The following KLF11 variants were observed in gnomAD, a reference collection of about 807,000 sequenced individuals.
The protein encoded by KLF11 is KLF transcription factor 11.
In KLF11, 26 loss-of-function variants were observed where a neutral mutation model predicts 29.9. That is an observed-to-expected ratio of 0.87 (90% CI 0.64 to 1.21). KLF11 has a LOEUF of 1.21. Among genes scored for constraint, KLF11 ranks in the 50% most tolerant of loss-of-function variants. The pLI is 0.00. For synonymous variants in KLF11, 318 were observed against 257.4 expected, an observed-to-expected ratio of 1.24 and a Z score of -2.25; for missense variants, 778 against 665.7, an observed-to-expected ratio of 1.17 and a Z score of -1.86.
rs549385160 is a variant in KLF11, at chr2:10,046,075, A to G, written c.43-75A>G. ...TGCCTACTGTAGGCTTCTGATATGC[A>G]TATCCACATGCCCATCATGGGTGGC... On this transcript the variant is annotated intron_variant, in intron 1 of 3. Transcript: ENST00000305883. The G allele has an allele frequency of 1.9e-6, 3 of 1,570,056 alleles. No individual in the cohort carries two copies. In the South Asian group the frequency reaches 3.3e-5, roughly 18 times the overall value.
chr2:10,044,056 C>A (rs1221357928), intron 1 of KLF11: 9 of 698,620 alleles, frequency 1.3e-5, no homozygotes, highest in Admixed American at 6.2e-5. Flanking sequence ...GACGTCACCC[C>A]GGTCCTGTGA....
rs1358113213 is a variant in KLF11 at position 10,047,763 on chromosome 2, T to G, written c.426T>G (p.Ser142=). Residue 142 remains serine (S), a synonymous_variant, in exon 3 of 4, where the codon TCT becomes TCG. Transcript: ENST00000305883. ...ACTATDVLQS[S]AVVARALSGG... is the part of the protein sequence containing the mutation. ...CAGCCACGGATGTTCTCCAGTCCTC[T>G]GCCGTAGTGGCCAGAGCTCTGAGCG... The G allele has an allele frequency of 2.5e-6, 4 of 1,613,818 alleles. No homozygotes were observed. Among genetic ancestry groups the G allele is most frequent in the Admixed American group, 3.3e-5 (2 of 60,030 alleles).
At position 10,048,288 on chromosome 2, in the gene KLF11, C is replaced by T; in HGVS notation, c.951C>T (p.Ile317=). ...PQLSVGTVRP[I]LAQAAPAPQP... ...TGTCTGTGGGGACTGTGAGACCCAT[C>T]CTAGCTCAGGCTGCTCCAGCGCCTC... is the stretch of plus-strand genomic sequence containing the variant. Residue 317 remains isoleucine, a synonymous_variant, in exon 3 of 4, where the codon ATC becomes ATT. Coordinates refer to ENST00000305883, the MANE Select transcript of KLF11 (RefSeq NM_003597.5). 3 of 1,602,962 alleles carry T rather than the reference C, an allele frequency of 1.9e-6. No individual in the cohort carries two copies. Among genetic ancestry groups the T allele is most frequent in the Non-Finnish European group, 2.6e-6 (3 of 1,173,234 alleles).
chr2:10,044,295 G>A (rs1401999225), intron 1 of KLF11: 1 of 984,642 alleles, frequency 1.0e-6, no homozygotes, highest in Non-Finnish European at 1.2e-6. Context: ...CTTGGAGGCG[G>A]GGCAACGCTT....
rs929349988 is a variant in KLF11, at chr2:10,048,391, G to T, written c.1054G>T (p.Ala352Ser). 30 of 1,613,364 alleles carry T rather than the reference G, an allele frequency of 1.9e-5. No homozygotes were observed. Among genetic ancestry groups the T allele is most frequent in the Non-Finnish European group, 2.5e-5 (30 of 1,179,368 alleles). ...VLPQGALPPP[A>S]PCAANVMAAG... is the part of the protein sequence containing the mutation. ...GCCCCAGGGAGCCCTCCCTCCGCCT[G>T]CCCCCTGTGCAGCCAATGTCATGGC... Residue 352 changes from alanine to serine, a missense_variant, in exon 3 of 4, where the codon GCC becomes TCC. Physicochemically the swap from Ala to Ser is moderately conservative, Grantham distance 99. Transcript: ENST00000305883.
intron 1 of KLF11, among the ~76,000 whole-genome samples, chr2:10,045,226 G>T (rs758864423): frequency 1.3e-5 from 2 of 152,074 alleles, no homozygotes; most frequent in Non-Finnish European, 2.9e-5. Context: ...AGGAGTTGGA[G>T]ACCAGCCTGG....
At position 10,048,636 on chromosome 2, in the gene KLF11, C is replaced by G. The variant is rs755822281; in HGVS notation, c.1258+41C>G. 6.1e-6 allele frequency: 9 copies of G among 1,479,830 alleles called. No individual in the cohort carries two copies. In the East Asian group the frequency reaches 2.0e-4, roughly 33 times the overall value. 91.7% of individuals were successfully genotyped at this position (1,479,830 alleles called of 1,614,324 possible). A position where few individuals can be genotyped will look rare whatever the true frequency, so the allele number is the denominator to read the frequency against. ...GGTGGGGCATTGGGCACACCAGACC[C>G]TGTGGTTAGGAAGCACACCTTGAGC... On this transcript the variant is annotated intron_variant, in intron 3 of 3. Coordinates refer to ENST00000305883, the MANE Select transcript of KLF11 (RefSeq NM_003597.5).
intron 1 of KLF11, among the ~76,000 whole-genome samples, chr2:10,044,693 C>A (rs531485030): frequency 6.6e-6 from 1 of 150,810 alleles, no homozygotes; most frequent in Non-Finnish European, 1.5e-5. Context: ...TCGCCCAGGC[C>A]GGAGTGCAGT....
chr2:10,047,663 CT>C lies in KLF11; in HGVS notation c.327del (p.Gln110ArgfsTer18), dbSNP rs753949480. 1 of 1,613,022 alleles carries C rather than the reference CT, an allele frequency of 6.2e-7. No homozygotes were observed. Among genetic ancestry groups the C allele is most frequent in the Non-Finnish European group, 8.5e-7 (1 of 1,179,928 alleles). On this transcript the variant is annotated frameshift_variant, in exon 3 of 4. Transcript: ENST00000305883. LOFTEE classifies it high-confidence loss of function. Reference protein sequence around the residue: ...HSLSTLCITPPQSPDLVEPST... With the variant: ...HSLSTLCITPXQSPDLVEPST... ...TTTTTTTTTTAGTGCATAACTCCTC[CT>C]CAGAGCCCTGATCTCGTGGAGCCAT...
chr2:10,043,742 CA>C lies in KLF11; in HGVS notation c.27del (p.Asp10ThrfsTer45). ...ATGCACACGCCGGACTTCGCAGGCC[CA>C]GACGACGCGCGCGCAGTGAGTGGTG... MHTPDFAG[P>X]DDARAVDIMD... On this transcript the variant is annotated frameshift_variant, in exon 1 of 4. Coordinates refer to ENST00000305883, the MANE Select transcript of KLF11 (RefSeq NM_003597.5). LOFTEE classifies it high-confidence loss of function. 2.2e-6 allele frequency: 3 copies of C among 1,383,900 alleles called. No individual in the cohort carries two copies. Among genetic ancestry groups the C allele is most frequent in the Non-Finnish European group, 2.8e-6 (3 of 1,053,538 alleles). 85.7% of individuals were successfully genotyped at this position (1,383,900 alleles called of 1,614,324 possible). A position where few individuals can be genotyped will look rare whatever the true frequency, so the allele number is the denominator to read the frequency against.
chr2:10,050,798 G>T (rs1661378688), intron 3 of KLF11, among the ~76,000 whole-genome samples: 1 of 150,798 alleles, frequency 6.6e-6, no homozygotes, highest in African/African-American at 2.4e-5. Flanking sequence ...TAGAAACTGG[G>T]CAAGTTTACC....
At chr2:10,051,739 G>C (rs928781564) in intron 3 of KLF11, among the ~76,000 whole-genome samples, 2 of 143,458 alleles carry the variant, frequency 1.4e-5, no homozygotes, top group Admixed American at 1.4e-4. Flanking sequence ...GGATGGTCTC[G>C]GTCTTCTGAC....
chr2:10,044,175 ACGCGGCCG>A lies in KLF11; in HGVS notation c.42+418_42+425del, dbSNP rs1661102349. ...CGCGGCACGGTTTTGGGGGCGGGGC[ACGCGGCCG>A]TCGGGCGGGTTAAGAGCGGCTAGCG... On this transcript the variant is annotated intron_variant, in intron 1 of 3. Transcript: ENST00000305883. The A allele has an allele frequency of 6.9e-6, 5 of 720,788 alleles. No homozygotes were observed. In the African/African-American group the frequency reaches 1.1e-4, roughly 16 times the overall value. The allele number at this position is 720,788 out of a possible 1,614,324, so 44.6% of individuals were successfully genotyped here. A position where few individuals can be genotyped will look rare whatever the true frequency, so the allele number is the denominator to read the frequency against.
chr2:10,044,015 C>T (rs922300411), intron 1 of KLF11: 7 of 709,542 alleles, frequency 9.9e-6, no homozygotes, highest in African/African-American at 3.9e-5. Context: ...GGCGGCCCCG[C>T]CCCGCTGGCC....
chr2:10,051,278 C>T lies in KLF11; in HGVS notation c.1259-949C>T, dbSNP rs192719867. 2.8e-4 allele frequency among the ~76,000 whole-genome samples: 43 copies of T among 151,192 alleles called. No homozygotes were observed. The East Asian group carries it at 7.3e-3, about 26-fold the overall frequency. On this transcript the variant is annotated intron_variant, in intron 3 of 3. Transcript: ENST00000305883. ...GGCTGGAATGCAATGGCGCGATCTC[C>T]GCTCATTGCACCCTCCGCCTCCCAG...
intron 3 of KLF11, among the ~76,000 whole-genome samples, chr2:10,051,634 T>C (rs181878023): frequency 0.083 from 12,604 of 151,862 alleles, 638 homozygotes; most frequent in Middle Eastern, 0.22. Flanking sequence ...TCTCCTGCCT[T>C]AGCCTCCCAA....
In KLF11 at chr2:10,054,721, A is replaced by G. The variant is rs1314974519; in HGVS notation, c.*2214A>G. 2 of 152,678 alleles carry G rather than the reference A, an allele frequency of 1.3e-5. No individual in the cohort carries two copies. The highest frequency in any genetic ancestry group is 2.9e-5 in the Non-Finnish European group (2 of 68,044). 9.5% of individuals were successfully genotyped at this position (152,678 alleles called of 1,614,324 possible). A position where few individuals can be genotyped will look rare whatever the true frequency, so the allele number is the denominator to read the frequency against. ...TTGAGCCTTTTAAGTAGTTTGAATG[A>G]TAAGACTTAAAATGTTTCATAATTA... On this transcript the variant is annotated 3_prime_UTR_variant, in exon 4 of 4. Transcript: ENST00000305883.
intron 1 of KLF11, chr2:10,044,492 G>T (rs1661117186): frequency 3.1e-6 from 3 of 957,938 alleles, no homozygotes; most frequent in African/African-American, 1.8e-5. Flanking sequence ...CATCACAGGG[G>T]GTTTAGTGGC....
chr2:10,048,908 CTTTTTTT>C (rs58347649), intron 3 of KLF11, among the ~76,000 whole-genome samples: 1 of 121,662 alleles, frequency 8.2e-6, no homozygotes, highest in East Asian at 2.5e-4. Context: ...ACGTTTCATC[CTTTTTTT>C]TTTTTTTTTT....
Sources: gnomAD v4.1 joint callset for allele counts (sites outside exome capture counted in the v4.1 genomes callset) on GRCh38, gnomAD v4.1.1 for gene constraint, MANE v1.5 for transcripts, NCBI Gene and HGNC (gene_info 2026-07-23, HGNC 2026-07-21) for gene names.